Variants in TSPAN14 observed in about 807,000 individuals in gnomAD.
The protein encoded by TSPAN14 is tetraspanin-14.
In TSPAN14, 16 loss-of-function variants were observed where a neutral mutation model predicts 36.6. The observed-to-expected ratio is 0.44, with a 90% CI of 0.30 to 0.66. The LOEUF (loss-of-function observed/expected upper bound fraction) is 0.66, where lower values mean the gene tolerates loss of function less well. Ranked by LOEUF, TSPAN14 falls within the 30% of genes least tolerant of loss-of-function variation. The probability of loss-of-function intolerance (pLI) is 0.12; values close to 1 mark genes in which losing one functional copy is unlikely to be tolerated. For synonymous variants in TSPAN14, 139 were observed against 143.8 expected (o/e 0.97, Z 0.24); for missense variants, 231 against 355.1 (o/e 0.65, Z 2.81).
At chr10:80,480,894 A>C (rs1215216509) in intron 1 of TSPAN14, among the ~76,000 whole-genome samples, 1 of 152,188 alleles carries the variant, frequency 6.6e-6, no homozygotes, top group African/African-American at 2.4e-5. Context: ...ACTAACCTGC[A>C]CATTGTGCAC....
intron 4 of TSPAN14, among the ~76,000 whole-genome samples, chr10:80,507,803 T>C (rs1054058157): frequency 6.6e-6 from 1 of 152,256 alleles, no homozygotes; most frequent in African/African-American, 2.4e-5. Context: ...CCAAATTTCC[T>C]GGCAGAACTG....
Position 80,489,212 on chromosome 10 carries a change from C to T in TSPAN14, c.-17-5C>T, listed in dbSNP as rs755000464. ...CCATCTCACTAGTCACACATCTCTCCGCAGATTCTGCTTCTCAGAAGATGC... is the reference window on the plus strand; with the variant it reads ...CCATCTCACTAGTCACACATCTCTCTGCAGATTCTGCTTCTCAGAAGATGC... On this transcript the variant is annotated splice_polypyrimidine_tract_variant and splice_region_variant and intron_variant, in intron 1 of 8. Transcript: ENST00000429989. 7.5e-5 allele frequency: 117 copies of T among 1,558,082 alleles called. No individual in the cohort carries two copies. Among genetic ancestry groups the T allele is most frequent in the Middle Eastern group, 1.7e-4 (1 of 5,998 alleles).
At chr10:80,487,609 C>T (rs1414254546) in intron 1 of TSPAN14, among the ~76,000 whole-genome samples, 1 of 152,170 alleles carries the variant, frequency 6.6e-6, no homozygotes, top group Non-Finnish European at 1.5e-5. Context: ...TGCAGCCGCT[C>T]TGGCCCATAC....
At chr10:80,511,188 A>G (rs1368545514) in intron 5 of TSPAN14, among the ~76,000 whole-genome samples, 2 of 152,218 alleles carry the variant, frequency 1.3e-5, no homozygotes, top group Non-Finnish European at 1.5e-5. Context: ...GATTTTACAC[A>G]CTTTTTAGTC....
intron 1 of TSPAN14, among the ~76,000 whole-genome samples, chr10:80,481,069 C>T (rs975200354): frequency 1.4e-4 from 21 of 152,090 alleles, no homozygotes; most frequent in Non-Finnish European, 2.8e-4. Flanking sequence ...TGCGCCAGGG[C>T]TCTCCAGCCA....
chr10:80,481,807 CTG>C (rs1375088611), intron 1 of TSPAN14, among the ~76,000 whole-genome samples: 1 of 151,562 alleles, frequency 6.6e-6, no homozygotes, highest in East Asian at 1.9e-4. Flanking sequence ...TTTTTTGAGA[CTG>C]AGTCTCGCTC....
At position 80,501,120 on chromosome 10, in the gene TSPAN14, C is replaced by CT. The variant is rs1482141910; in HGVS notation, c.82-3599dup. ...AACTGACGCTGTTTTTTTTTTTTTTCTTTTTTTTTGGGAGACCTGGTCTTA... is the reference window on the plus strand; with the variant it reads ...AACTGACGCTGTTTTTTTTTTTTTTCTTTTTTTTTTGGGAGACCTGGTCTTA... On this transcript the variant is annotated intron_variant, in intron 2 of 8. Coordinates refer to ENST00000429989, the Ensembl canonical transcript of TSPAN14. Among the ~76,000 whole-genome samples the CT allele has an allele frequency of 3.4e-5, 4 of 117,294 alleles. No homozygotes were observed. In the South Asian group the frequency reaches 8.9e-4, roughly 26 times the overall value. 76.9% of individuals were successfully genotyped at this position (117,294 alleles called of 152,430 possible).
intron 1 of TSPAN14, among the ~76,000 whole-genome samples, chr10:80,483,982 G>T (rs547188465): frequency 7.7e-6 from 1 of 129,756 alleles, no homozygotes; most frequent in Non-Finnish European, 1.6e-5. Context: ...GGTGACTCAC[G>T]CCTGTAATCT....
intron 2 of TSPAN14, among the ~76,000 whole-genome samples, chr10:80,500,688 A>T (rs1589284839): frequency 6.6e-6 from 1 of 152,156 alleles, no homozygotes; most frequent in Non-Finnish European, 1.5e-5. Context: ...AGAGAACTGC[A>T]CGCAGTGGTG....
At chr10:80,516,254 G>C in exon 8 of TSPAN14, 3 of 1,614,252 alleles carry the variant, frequency 1.9e-6, no homozygotes, top group Non-Finnish European at 2.5e-6. Flanking sequence ...GCATCCAGGC[G>C]CTGGAAAGCT....
chr10:80,499,185 C>G (rs1048804790), intron 2 of TSPAN14, among the ~76,000 whole-genome samples: 11 of 152,192 alleles, frequency 7.2e-5, no homozygotes, highest in Non-Finnish European at 1.3e-4. Context: ...TCCTCCAGTT[C>G]AGCAGGGCCT....
chr10:80,502,223 G>A (rs1329432295), intron 2 of TSPAN14, among the ~76,000 whole-genome samples: 23 of 152,226 alleles, frequency 1.5e-4, no homozygotes, highest in Admixed American at 1.4e-3. Flanking sequence ...AGGGAGTGGC[G>A]TTGGAGCAGG....
Position 80,518,103 on chromosome 10 carries a change from C to A in TSPAN14, c.*127C>A, listed in dbSNP as rs369946528. The A allele has an allele frequency of 8.1e-5, 79 of 974,780 alleles. No homozygotes were observed. The East Asian group carries it at 1.7e-3, about 20-fold the overall frequency. The allele number at this position is 974,780 out of a possible 1,614,324, so 60.4% of individuals were successfully genotyped here. A position where few individuals can be genotyped will look rare whatever the true frequency, so the allele number is the denominator to read the frequency against. On this transcript the variant is annotated 3_prime_UTR_variant, in exon 9 of 9. Transcript: ENST00000429989. ...GCCAGTGCCCCATCTTAAGCATCAG[C>A]GTGACGTGACCTCTCTGTTTCTGCT...
At chr10:80,516,212 C>T in exon 8 of TSPAN14, 1 of 1,614,228 alleles carries the variant, frequency 6.2e-7, no homozygotes, top group South Asian at 1.1e-5. Flanking sequence ...AGCTGAAGAG[C>T]AAGTGGGATG....
chr10:80,504,766 A>C (rs753938432), exon 3 of TSPAN14: 2 of 1,614,156 alleles, frequency 1.2e-6, no homozygotes, highest in Non-Finnish European at 1.7e-6. Flanking sequence ...GGCTGTGGGC[A>C]TGGAGCGAAA....
intron 2 of TSPAN14, among the ~76,000 whole-genome samples, chr10:80,503,289 G>A (rs1189676585): frequency 1.3e-5 from 2 of 152,194 alleles, no homozygotes; most frequent in Non-Finnish European, 2.9e-5. Context: ...GGAAAAGGGT[G>A]TGGTGTGATA....
intron 1 of TSPAN14, among the ~76,000 whole-genome samples, chr10:80,480,610 A>G (rs1199943228): frequency 2.0e-5 from 3 of 152,230 alleles, no homozygotes; most frequent in African/African-American, 7.2e-5. Flanking sequence ...ATAAAAAATG[A>G]TGAGTTCATG....
chr10:80,472,075 C>CTGCA (rs1183688466), intron 1 of TSPAN14, among the ~76,000 whole-genome samples: 2 of 152,080 alleles, frequency 1.3e-5, no homozygotes, highest in African/African-American at 4.8e-5. Flanking sequence ...GAGGTCAAGG[C>CTGCA]TGCAGTGAGC....
chr10:80,501,851 G>A (rs1848540663), intron 2 of TSPAN14, among the ~76,000 whole-genome samples: 1 of 152,198 alleles, frequency 6.6e-6, no homozygotes, highest in Non-Finnish European at 1.5e-5. Flanking sequence ...CTTGAATCCT[G>A]GGGAGTCACT....
Sources: allele counts gnomAD v4.1 joint callset (sites outside exome capture counted in the v4.1 genomes callset), GRCh38; gene constraint gnomAD v4.1.1; transcripts MANE v1.5; gene names NCBI Gene and HGNC (gene_info 2026-07-23, HGNC 2026-07-21).